The following KCNMA1 variants were observed in gnomAD, a reference collection of about 807,000 sequenced individuals.
The protein encoded by KCNMA1 is potassium calcium-activated channel subfamily M alpha 1.
KCNMA1 carries 29 observed loss-of-function variants against 140.0 expected under a neutral mutation model. The observed-to-expected ratio is 0.21, with a 90% CI of 0.15 to 0.28. KCNMA1 has a LOEUF of 0.28. Ranked by LOEUF, KCNMA1 falls within the 10% of genes least tolerant of loss-of-function variation. KCNMA1 has a pLI of 1.00. For missense variants in KCNMA1, 880 were observed against 1,602.2 expected (o/e 0.55, Z 7.70); for synonymous variants, 612 against 611.9 (o/e 1.00, Z 0.00).
chr10:77,040,637 G>C (rs1038706185), intron 14 of KCNMA1, among the ~76,000 whole-genome samples: 14 of 152,138 alleles, frequency 9.2e-5, no homozygotes, highest in Non-Finnish European at 1.9e-4. Context: ...TGTTACCTCT[G>C]AGTGGTAGAA....
intron 2 of KCNMA1, among the ~76,000 whole-genome samples, chr10:77,321,905 C>A (rs575782092): frequency 6.6e-6 from 1 of 152,274 alleles, no homozygotes; most frequent in East Asian, 1.9e-4. Context: ...CAAGGGAGTA[C>A]GCTTCAGGAT....
chr10:77,088,028 AGGATCT>A (rs1331442260), intron 10 of KCNMA1, among the ~76,000 whole-genome samples: 1 of 152,152 alleles, frequency 6.6e-6, no homozygotes, highest in Non-Finnish European at 1.5e-5. Flanking sequence ...GTGCAGTGGC[AGGATCT>A]CTGCTCACTG....
Position 76,910,053 on chromosome 10 carries a change from A to G in KCNMA1, c.3060T>C (p.Asp1020=), listed in dbSNP as rs745602958. Residue 1020 remains aspartate, a synonymous_variant, in exon 25 of 28, where the codon GAT becomes GAC. Coordinates refer to ENST00000286628, the MANE Select transcript of KCNMA1 (RefSeq NM_001161352.2). The stretch of plus-strand genomic sequence containing the variant: ...TGAGGTACAGTTCTGTATCAGGGTC[A>G]TCATCATCGTCTTGGTCCAAAAACT... ...NVQFLDQDDD[D]DPDTELYLTQ... is the part of the protein sequence containing the mutation. The G allele has an allele frequency of 6.2e-7, 1 of 1,614,044 alleles. No individual in the cohort carries two copies. The highest frequency in any genetic ancestry group is 1.1e-5 in the South Asian group (1 of 91,082).
At chr10:77,000,020 C>T (rs1046247386) in intron 19 of KCNMA1, among the ~76,000 whole-genome samples, 1 of 152,158 alleles carries the variant, frequency 6.6e-6, no homozygotes, top group African/African-American at 2.4e-5. Flanking sequence ...TCTGCTGGGA[C>T]CAGCCTCAAC....
At position 76,943,844 on chromosome 10, in the gene KCNMA1, G is replaced by C. The variant is rs72803362; in HGVS notation, c.2902+929C>G. On this transcript the variant is annotated intron_variant, in intron 23 of 27. Transcript: ENST00000286628. ...AGAAAGCCTGGCATGATGGGGAGGA[G>C]GTCAGACACTTGCCAAGCTATCAAT... 2.0e-5 allele frequency among the ~76,000 whole-genome samples: 3 copies of C among 152,208 alleles called. No homozygotes were observed. The South Asian group carries it at 6.2e-4, about 32-fold the overall frequency.
intron 1 of KCNMA1, among the ~76,000 whole-genome samples, chr10:77,540,038 T>C (rs1456293116): frequency 6.6e-6 from 1 of 152,204 alleles, no homozygotes; most frequent in African/African-American, 2.4e-5. Flanking sequence ...ACTTTACACC[T>C]ACCTCCATCT....
intron 12 of KCNMA1, among the ~76,000 whole-genome samples, chr10:77,082,245 T>A (rs1172432284): frequency 6.6e-6 from 1 of 151,924 alleles, no homozygotes; most frequent in Non-Finnish European, 1.5e-5. Flanking sequence ...GTCAGGCTGG[T>A]CTTGAACTCC....
At chr10:77,081,308 C>T (rs535580320) in intron 12 of KCNMA1, among the ~76,000 whole-genome samples, 276 of 152,224 alleles carry the variant, frequency 1.8e-3, no homozygotes, top group Middle Eastern at 3.4e-3. Context: ...AAATGGGAGA[C>T]CAGATGTGAA....
At chr10:76,953,676 A>C in intron 21 of KCNMA1, 125 bp downstream of exon 21, 1 of 1,133,114 alleles carries the variant, frequency 8.8e-7, no homozygotes, top group Non-Finnish European at 1.3e-6. Context: ...TCAGAATTTC[A>C]CTCATCAAAA....
At chr10:77,191,764 C>T (rs1268592673) in intron 3 of KCNMA1, among the ~76,000 whole-genome samples, 1 of 152,056 alleles carries the variant, frequency 6.6e-6, no homozygotes, top group Non-Finnish European at 1.5e-5. Context: ...TGAAATGACT[C>T]TAATGTAAAT....
At chr10:77,566,331 G>A (rs571162953) in intron 1 of KCNMA1, among the ~76,000 whole-genome samples, 1 of 152,320 alleles carries the variant, frequency 6.6e-6, no homozygotes, top group South Asian at 2.1e-4. Context: ...GGCACCACCT[G>A]AAAAGTCCCT....
intron 5 of KCNMA1, among the ~76,000 whole-genome samples, chr10:77,183,092 A>T (rs1267761855): frequency 6.6e-6 from 1 of 152,120 alleles, no homozygotes; most frequent in African/African-American, 2.4e-5. Flanking sequence ...CCTTACCCCC[A>T]TGGGCTTCTT....
intron 14 of KCNMA1, among the ~76,000 whole-genome samples, chr10:77,047,495 G>T (rs1311784961): frequency 6.6e-6 from 1 of 152,114 alleles, no homozygotes; most frequent in African/African-American, 2.4e-5. Flanking sequence ...GAAGGTAAAG[G>T]AAGGGTAAAC....
chr10:77,601,596 C>T (rs1220975263), intron 1 of KCNMA1, among the ~76,000 whole-genome samples: 1 of 152,168 alleles, frequency 6.6e-6, no homozygotes, highest in African/African-American at 2.4e-5. Flanking sequence ...CCATCAGCTG[C>T]AGGACAAAGT....
rs2098608437 is a variant in KCNMA1, at chr10:77,164,354, C to A, written c.808+19067G>T. On this transcript the variant is annotated intron_variant, in intron 5 of 27. Transcript: ENST00000286628. ...CACACACCAGCAGGAAGAGAGATGA[C>A]CTTGACTTCATAAATTGGCCATAAA... Among the ~76,000 whole-genome samples, 6 of 152,262 alleles carry A rather than the reference C, an allele frequency of 3.9e-5. 1 individual carries two copies. The South Asian group carries it at 1.2e-3, about 32-fold the overall frequency.
At chr10:76,901,623 A>G (rs1000044269) in intron 25 of KCNMA1, 1 of 152,226 alleles carries the variant, frequency 6.6e-6, no homozygotes, top group African/African-American at 2.4e-5. Context: ...AAATTGTGTG[A>G]AAGTCAAAGA....
chr10:77,284,148 T>C (rs1412628374), intron 2 of KCNMA1, among the ~76,000 whole-genome samples: 5 of 151,930 alleles, frequency 3.3e-5, no homozygotes, highest in South Asian at 2.1e-4. Flanking sequence ...AAATGCAGCA[T>C]TGGGGAAGAG....
intron 13 of KCNMA1, 63 bp from the exon 14 acceptor site, chr10:77,073,315 T>G: frequency 6.5e-7 from 1 of 1,546,594 alleles, no homozygotes; most frequent in Non-Finnish European, 8.9e-7. Flanking sequence ...TTAACATTTC[T>G]TCTGGGAAAT....
At chr10:77,171,691 T>C (rs1411696588) in intron 5 of KCNMA1, among the ~76,000 whole-genome samples, 1 of 152,112 alleles carries the variant, frequency 6.6e-6, no homozygotes, top group African/African-American at 2.4e-5. Flanking sequence ...CCAGGAGAAT[T>C]TGTTAAAACA....
Sources: gnomAD v4.1 joint callset for allele counts (sites outside exome capture counted in the v4.1 genomes callset) on GRCh38, gnomAD v4.1.1 for gene constraint, MANE v1.5 for transcripts, NCBI Gene and HGNC (gene_info 2026-07-23, HGNC 2026-07-21) for gene names.